Variants in TAF4 observed in about 807,000 individuals in gnomAD.
TAF4 encodes the protein TATA-box binding protein associated factor 4.
In TAF4, 9 loss-of-function variants were observed where a neutral mutation model predicts 90.3. That is an observed-to-expected ratio of 0.10 (90% CI 0.06 to 0.17). The LOEUF (loss-of-function observed/expected upper bound fraction) is 0.17, where lower values mean the gene tolerates loss of function less well. Among genes scored for constraint, TAF4 ranks in the 10% least tolerant of loss-of-function variants. The pLI is 1.00. For missense variants in TAF4, 1,351 were observed against 1,370.7 expected (o/e 0.99, Z 0.23); for synonymous variants, 818 against 638.9 (o/e 1.28, Z -4.23).
At chr20:62,015,591 G>A (rs1394503686) in intron 1 of TAF4, among the ~76,000 whole-genome samples, 2 of 152,210 alleles carry the variant, frequency 1.3e-5, no homozygotes, top group African/African-American at 4.8e-5. Context: ...ATGAGGCACC[G>A]CCACCGGCCG....
At chr20:62,001,164 G>T (rs750433336) in intron 9 of TAF4, among the ~76,000 whole-genome samples, 1 of 152,166 alleles carries the variant, frequency 6.6e-6, no homozygotes. Context: ...TCCTCCACCC[G>T]GAACATTCTG....
intron 1 of TAF4, chr20:62,037,846 C>A: frequency 4.3e-6 from 1 of 231,704 alleles, no homozygotes; most frequent in Non-Finnish European, 9.0e-6. Context: ...TATGCATACC[C>A]TTGATGGCCT....
intron 1 of TAF4, among the ~76,000 whole-genome samples, chr20:62,054,392 G>A (rs921756892): frequency 6.6e-6 from 1 of 152,162 alleles, no homozygotes; most frequent in Non-Finnish European, 1.5e-5. Flanking sequence ...ACGCCAACAT[G>A]CGGCAGGAAG....
At chr20:62,000,923 C>G (rs897314318) in intron 9 of TAF4, among the ~76,000 whole-genome samples, 6 of 152,186 alleles carry the variant, frequency 3.9e-5, no homozygotes, top group Admixed American at 3.9e-4. Flanking sequence ...GATTGTTCTG[C>G]GGAAGGAGAG....
chr20:62,049,771 G>A (rs2056015773), intron 1 of TAF4, among the ~76,000 whole-genome samples: 1 of 152,078 alleles, frequency 6.6e-6, no homozygotes, highest in Non-Finnish European at 1.5e-5. Context: ...CGGGTTTCTA[G>A]CCCCAGGCCC....
intron 14 of TAF4, among the ~76,000 whole-genome samples, chr20:61,993,041 G>A (rs1220303196): frequency 6.6e-6 from 1 of 152,218 alleles, no homozygotes; most frequent in Non-Finnish European, 1.5e-5. Flanking sequence ...ATATATGGAA[G>A]AAAACATGCT....
Position 61,990,262 on chromosome 20 carries a change from T to C in TAF4, c.3090+7288A>G, listed in dbSNP as rs146895094. Reference sequence around the variant, plus strand: ...AGCGGGGACGAAGCAGACAGCGTGATGCTCATACACCGGAGTCTGCACGGA... The same window carrying C: ...AGCGGGGACGAAGCAGACAGCGTGACGCTCATACACCGGAGTCTGCACGGA... On this transcript the variant is annotated intron_variant, in intron 14 of 14. Transcript: ENST00000252996. Among the ~76,000 whole-genome samples the C allele has an allele frequency of 1.5e-3, 221 of 152,332 alleles. 1 individual carries two copies. The highest frequency in any genetic ancestry group is 2.8e-3 in the Non-Finnish European group (189 of 68,030).
Position 62,006,172 on chromosome 20 carries a change from G to A in TAF4, c.2223+338C>T, listed in dbSNP as rs564554875. The A allele has an allele frequency of 4.1e-5, 8 of 194,296 alleles. No homozygotes were observed. The South Asian group carries it at 7.5e-4, about 18-fold the overall frequency. 12.0% of individuals were successfully genotyped at this position (194,296 alleles called of 1,614,324 possible). A position where few individuals can be genotyped will look rare whatever the true frequency, so the allele number is the denominator to read the frequency against. Reference sequence around the variant, plus strand: ...GGTGCCCGTGTCTTACGCTTGGACCGCTGCTCCTAATCCAAGAGAACATCT... The same window carrying A: ...GGTGCCCGTGTCTTACGCTTGGACCACTGCTCCTAATCCAAGAGAACATCT... On this transcript the variant is annotated intron_variant, in intron 7 of 14. Transcript: ENST00000252996. This position sits in a 1 kb window ranked among gnomAD's most constrained non-coding sequence, Gnocchi z 7.0.
chr20:61,982,959 G>A (rs2055559858), intron 14 of TAF4, among the ~76,000 whole-genome samples: 1 of 152,174 alleles, frequency 6.6e-6, no homozygotes, highest in African/African-American at 2.4e-5. Context: ...TCCGGTCAGG[G>A]CCCAGAAACA....
chr20:62,005,460 T>C (rs946417476), intron 7 of TAF4: 2 of 152,236 alleles, frequency 1.3e-5, no homozygotes, highest in Non-Finnish European at 2.9e-5. Context: ...GGCAAGAAAA[T>C]GATTGCCCAC....
chr20:61,982,731 A>ACACCCCACCCGAGAGGAGACACC (rs2055558145), intron 14 of TAF4, among the ~76,000 whole-genome samples: 3 of 143,296 alleles, frequency 2.1e-5, no homozygotes, highest in Non-Finnish European at 4.6e-5. Flanking sequence ...CACCAAACCC[A>ACACCCCACCCGAGAGGAGACACC]ATGCACTGCG....
At chr20:61,995,869 CAAAAAAAAAA>C (rs969175865) in intron 14 of TAF4, among the ~76,000 whole-genome samples, 1 of 4,536 alleles carries the variant, frequency 2.2e-4, no homozygotes, top group Admixed American at 1.5e-3. Flanking sequence ...GACTCCGTCT[CAAAAAAAAAA>C]AAAAAAAAAA....
In TAF4 at chr20:61,976,282, T is replaced by C. The variant is rs780427584; in HGVS notation, c.3144A>G (p.Arg1048=). The change falls in exon 15 of 15, where the codon AGA becomes AGG. Residue 1048 remains arginine (R), a synonymous_variant. Transcript: ENST00000252996. ...GCGTGATTCTTTGTCGCGTGAACTG[T>C]CTGGGGGTTCCGACACCCGAGCTGC... The part of the protein sequence containing the change: ...VPGSSGVGTP[R]QFTRQRITRV... 5 of 1,613,898 alleles carry C rather than the reference T, an allele frequency of 3.1e-6. No individual in the cohort carries two copies. The highest frequency in any genetic ancestry group is 3.4e-6 in the Non-Finnish European group (4 of 1,180,038).
At chr20:62,039,008 G>A (rs1212750091) in intron 1 of TAF4, among the ~76,000 whole-genome samples, 1 of 152,184 alleles carries the variant, frequency 6.6e-6, no homozygotes, top group Non-Finnish European at 1.5e-5. Context: ...AGCCAAGATC[G>A]TGCCACTGCA....
At chr20:62,054,907 C>T (rs1284718070) in intron 1 of TAF4, among the ~76,000 whole-genome samples, 2 of 152,158 alleles carry the variant, frequency 1.3e-5, no homozygotes, top group Non-Finnish European at 2.9e-5. Context: ...CCCTCTCACC[C>T]CGCCTGCCCA....
In TAF4 at chr20:62,065,104, G is replaced by T; in HGVS notation, c.707C>A (p.Thr236Asn). ...CACGAAGGGGGGCGTCTGGATGACA[G>T]TGCCGGGGGCGGCGGGCTTGGGCAG... The part of the protein sequence containing the change: ...LPLPKPAAPG[T>N]VIQTPPFVGA... The change falls in exon 1 of 15, where the codon ACT becomes AAT. Residue 236 changes from threonine (T) to asparagine (N), a missense_variant. Around this residue, in one of 9 missense-constraint regions of TAF4, gnomAD observed 782 missense variants for 536.6 expected, o/e 1.46. Coordinates refer to ENST00000252996, the MANE Select transcript of TAF4 (RefSeq NM_003185.4). 1 of 1,103,472 alleles carries T rather than the reference G, an allele frequency of 9.1e-7. No individual in the cohort carries two copies. The highest frequency in any genetic ancestry group is 1.9e-5 in the South Asian group (1 of 53,030). The allele number at this position is 1,103,472 out of a possible 1,614,324, so 68.4% of individuals were successfully genotyped here.
At chr20:62,032,484 C>A (rs1473165557) in intron 1 of TAF4, among the ~76,000 whole-genome samples, 2 of 152,238 alleles carry the variant, frequency 1.3e-5, no homozygotes, top group Non-Finnish European at 2.9e-5. Context: ...GAGCTCGGGG[C>A]CACAGGCAGC....
At chr20:61,993,014 C>T (rs774231685) in intron 14 of TAF4, among the ~76,000 whole-genome samples, 13 of 152,174 alleles carry the variant, frequency 8.5e-5, no homozygotes, top group African/African-American at 1.2e-4. Context: ...ACCTGTTGAT[C>T]CATTATCTTC....
intron 1 of TAF4, among the ~76,000 whole-genome samples, chr20:62,047,794 A>C (rs1875345421): frequency 6.6e-6 from 1 of 152,224 alleles, no homozygotes; most frequent in African/African-American, 2.4e-5. Flanking sequence ...CCATCACAGG[A>C]ACACGGCAGA....
Sources: allele counts gnomAD v4.1 joint callset (sites outside exome capture counted in the v4.1 genomes callset), GRCh38; gene constraint gnomAD v4.1.1; regional missense constraint gnomAD v4.1.1; non-coding constraint Gnocchi (gnomAD v3.1); transcripts MANE v1.5; gene names NCBI Gene and HGNC (gene_info 2026-07-23, HGNC 2026-07-21).